Variants in SCFD2 observed in about 807,000 individuals in gnomAD.
SCFD2 encodes the protein sec1 family domain-containing protein 2.
Under a neutral mutation model 58.9 loss-of-function variants are expected in SCFD2, and 54 were observed. That is an observed-to-expected ratio of 0.92 (90% CI 0.74 to 1.15). The LOEUF (loss-of-function observed/expected upper bound fraction) is 1.15. Ranked by LOEUF, SCFD2 falls within the 50% of genes most tolerant of loss-of-function variation. SCFD2 has a pLI of 0.00. For synonymous variants in SCFD2, 321 were observed against 335.9 expected (o/e 0.96, Z 0.49); for missense variants, 805 against 836.6 (o/e 0.96, Z 0.47).
intron 5 of SCFD2, among the ~76,000 whole-genome samples, chr4:53,047,169 G>C (rs1723062085): frequency 6.6e-6 from 1 of 152,146 alleles, no homozygotes; most frequent in Admixed American, 6.5e-5. Flanking sequence ...AATTCTCACT[G>C]AGCACAGTGG....
chr4:53,103,662 T>C (rs1037163025), intron 5 of SCFD2, among the ~76,000 whole-genome samples: 1 of 147,156 alleles, frequency 6.8e-6, no homozygotes, highest in African/African-American at 2.5e-5. Context: ...ATTTTCAATA[T>C]CCTCCAGTGA....
chr4:53,326,566 T>C (rs764132250), intron 2 of SCFD2, among the ~76,000 whole-genome samples: 1 of 152,150 alleles, frequency 6.6e-6, no homozygotes, highest in Non-Finnish European at 1.5e-5. Flanking sequence ...GTTAGAGATA[T>C]TCCTCTTAAA....
intron 3 of SCFD2, among the ~76,000 whole-genome samples, chr4:53,286,535 A>C (rs1731674210): frequency 2.0e-5 from 3 of 152,094 alleles, no homozygotes. Flanking sequence ...GAGCTCCTGC[A>C]CAGCAGAGCA....
chr4:53,025,883 A>G (rs17082294), intron 5 of SCFD2, among the ~76,000 whole-genome samples: 3,217 of 152,318 alleles, frequency 0.021, 78 homozygotes, highest in East Asian at 0.11. Context: ...TAAAACTAAC[A>G]TACTTGATTT....
intron 1 of SCFD2, among the ~76,000 whole-genome samples, chr4:53,353,218 C>T (rs979484275): frequency 1.3e-5 from 2 of 152,118 alleles, no homozygotes; most frequent in South Asian, 2.1e-4. Context: ...TGCAGACCTT[C>T]GCGGTGAGTG....
rs1340077012 is a variant in SCFD2 at position 53,365,829 on chromosome 4, C to T, written c.113G>A (p.Trp38Ter). The T allele has an allele frequency of 6.2e-7, 1 of 1,613,818 alleles. No homozygotes were observed. Among genetic ancestry groups the T allele is most frequent in the Non-Finnish European group, 8.5e-7 (1 of 1,180,006 alleles). ...LDAACAESLHWGCGSTRLLEA... is the reference protein window; with the variant it reads ...LDAACAESLH ...CAGGAGACGGGTGGATCCGCAGCCC[C>T]AGTGCAGGCTCTCGGCGCAGGCGGC... Residue 38 changes from tryptophan to a stop codon, truncating the protein, a stop_gained, in exon 1 of 9, where the codon TGG becomes TAG. Transcript: ENST00000401642. LOFTEE classifies it high-confidence loss of function. This position sits in a 1 kb window ranked among gnomAD's most constrained non-coding sequence, Gnocchi z 4.3.
At chr4:52,881,752 G>A (rs1215610973) in intron 8 of SCFD2, among the ~76,000 whole-genome samples, 1 of 152,112 alleles carries the variant, frequency 6.6e-6, no homozygotes, top group Non-Finnish European at 1.5e-5. Context: ...AGGTTGGTGT[G>A]GTTTTTGTGG....
At chr4:52,981,472 C>G (rs534355366) in intron 5 of SCFD2, among the ~76,000 whole-genome samples, 6 of 152,142 alleles carry the variant, frequency 3.9e-5, no homozygotes, top group African/African-American at 9.6e-5. Flanking sequence ...TTCCAATGGG[C>G]CTGTGGCTAA....
chr4:52,904,912 A>G (rs894898000), intron 7 of SCFD2, among the ~76,000 whole-genome samples: 58 of 152,214 alleles, frequency 3.8e-4, no homozygotes, highest in African/African-American at 1.4e-3. Context: ...GTTCACATCT[A>G]CTGCTTAACA....
chr4:53,250,286 C>A (rs1430430596), intron 4 of SCFD2, among the ~76,000 whole-genome samples: 2 of 152,130 alleles, frequency 1.3e-5, no homozygotes, highest in Non-Finnish European at 2.9e-5. Flanking sequence ...TATAGGAGCA[C>A]CCAGATTCAT....
At chr4:53,056,242 A>G (rs1045294896) in intron 5 of SCFD2, among the ~76,000 whole-genome samples, 2 of 150,810 alleles carry the variant, frequency 1.3e-5, no homozygotes, top group African/African-American at 4.9e-5. Flanking sequence ...TTGTATTTTT[A>G]CAGCTAAGCT....
At chr4:52,887,198 A>G (rs553049483) in intron 7 of SCFD2, among the ~76,000 whole-genome samples, 1 of 152,330 alleles carries the variant, frequency 6.6e-6, no homozygotes, top group South Asian at 2.1e-4. Flanking sequence ...CAAAGATGAA[A>G]GAGAACAGGG....
rs550771848 is a variant in SCFD2, at chr4:52,920,960, T to G, written c.1562-90A>C. On this transcript the variant is annotated intron_variant, in intron 5 of 8. Coordinates refer to ENST00000401642, the MANE Select transcript of SCFD2 (RefSeq NM_152540.4). ...AGCTCGATGTAATGTAGTTGGGAGG[T>G]TTTTTTTTTTCTTTATTATTATTAT... 4 of 456,774 alleles carry G rather than the reference T, an allele frequency of 8.8e-6. No homozygotes were observed. The South Asian group carries it at 2.0e-4, about 23-fold the overall frequency. 28.3% of individuals were successfully genotyped at this position (456,774 alleles called of 1,614,324 possible). A position where few individuals can be genotyped will look rare whatever the true frequency, so the allele number is the denominator to read the frequency against.
At chr4:53,220,703 A>G (rs1440446233) in intron 4 of SCFD2, among the ~76,000 whole-genome samples, 1 of 152,220 alleles carries the variant, frequency 6.6e-6, no homozygotes, top group Admixed American at 6.5e-5. Context: ...ATCCTTGAAG[A>G]TTCAGAAGTC....
intron 8 of SCFD2, among the ~76,000 whole-genome samples, chr4:52,877,696 C>T (rs142394440): frequency 5.3e-5 from 8 of 152,334 alleles, no homozygotes; most frequent in East Asian, 3.9e-4. Context: ...TGTGCATCCC[C>T]GGCTGCATCC....
intron 4 of SCFD2, among the ~76,000 whole-genome samples, chr4:53,204,215 C>T (rs1728337890): frequency 6.6e-6 from 1 of 151,932 alleles, no homozygotes; most frequent in South Asian, 2.1e-4. Flanking sequence ...ATCTTTACAA[C>T]CTGGAACTAT....
chr4:53,061,584 T>C (rs1577696143), intron 5 of SCFD2, among the ~76,000 whole-genome samples: 1 of 152,168 alleles, frequency 6.6e-6, no homozygotes, highest in South Asian at 2.1e-4. Context: ...TGGCAGGCCC[T>C]TAATGTAGAT....
At chr4:53,028,092 C>T (rs1267736863) in intron 5 of SCFD2, among the ~76,000 whole-genome samples, 1 of 151,674 alleles carries the variant, frequency 6.6e-6, no homozygotes, top group Non-Finnish European at 1.5e-5. Context: ...ACTAAAAATA[C>T]AAAAATTAGC....
intron 2 of SCFD2, among the ~76,000 whole-genome samples, chr4:53,335,632 C>G (rs889819165): frequency 6.6e-6 from 1 of 152,182 alleles, no homozygotes; most frequent in Admixed American, 6.5e-5. Flanking sequence ...ATCATGTTAG[C>G]AAATTACTCT....
Sources: allele counts gnomAD v4.1 joint callset (sites outside exome capture counted in the v4.1 genomes callset), GRCh38; gene constraint gnomAD v4.1.1; non-coding constraint Gnocchi (gnomAD v3.1); transcripts MANE v1.5; gene names NCBI Gene and HGNC (gene_info 2026-07-23, HGNC 2026-07-21).